Variants in MAF observed in about 807,000 individuals in gnomAD.
MAF encodes MAF bZIP transcription factor, also known as transcription factor Maf.
A neutral mutation model predicts 22.0 loss-of-function variants in MAF; 10 were observed. The ratio of observed to expected loss-of-function variants is 0.45; its 90% CI spans 0.28 to 0.77. The LOEUF (loss-of-function observed/expected upper bound fraction) is 0.77. Ranked by LOEUF, MAF falls within the 30% of genes least tolerant of loss-of-function variation. The pLI is 0.12. For synonymous variants in MAF, 337 were observed against 255.8 expected (o/e 1.32, Z -3.03); for missense variants, 544 against 548.4 (o/e 0.99, Z 0.08).
the MAF span, among the ~76,000 whole-genome samples, chr16:79,238,330 G>C: frequency 2.0e-5 from 3 of 152,098 alleles, no homozygotes; most frequent in Non-Finnish European, 2.9e-5. Context: ...GCTCTTGGAA[G>C]CAGGTACCCA....
the MAF span, among the ~76,000 whole-genome samples, chr16:79,551,091 G>A: frequency 1.3e-5 from 2 of 152,102 alleles, no homozygotes; most frequent in Non-Finnish European, 2.9e-5. Flanking sequence ...TGTTGACAAG[G>A]ACCTCACCCT....
the MAF span, among the ~76,000 whole-genome samples, chr16:79,525,735 A>T: frequency 3.3e-5 from 5 of 152,222 alleles, no homozygotes; most frequent in African/African-American, 1.2e-4. Context: ...TGTAATGATT[A>T]TATCTACAAA....
chr16:79,257,358 T>G, the MAF span, among the ~76,000 whole-genome samples: 1 of 152,152 alleles, frequency 6.6e-6, no homozygotes, highest in Non-Finnish European at 1.5e-5. Flanking sequence ...TTGCTACTCC[T>G]TATAACCCTA....
Position 79,599,375 on chromosome 16 carries a change from G to T in MAF, c.528C>A (p.Gly176=). Residue 176 remains glycine (G), a synonymous_variant, in exon 1 of 2, where the codon GGC becomes GGA. Coordinates refer to ENST00000326043, the MANE Select transcript of MAF (RefSeq NM_005360.5). ...GGTGGTGGTGGTAGTGCGGGCCCGC[G>T]CCGCTCTGCGCGGCGGCCGCGGCGA... ...AVIAAAAAQS[G]AGPHYHHHHH... The T allele has an allele frequency of 4.0e-6, 4 of 1,004,262 alleles. No individual in the cohort carries two copies. Among genetic ancestry groups the T allele is most frequent in the Non-Finnish European group, 1.2e-6 (1 of 844,298 alleles). The allele number at this position is 1,004,262 out of a possible 1,614,324, so 62.2% of individuals were successfully genotyped here.
chr16:79,585,213 G>A (rs144040343), downstream of MAF, among the ~76,000 whole-genome samples: 51 of 152,254 alleles, frequency 3.3e-4, no homozygotes, highest in East Asian at 9.1e-3. Context: ...ACTTGTAATT[G>A]AAAACCCATT....
the MAF span, among the ~76,000 whole-genome samples, chr16:79,535,817 C>G: frequency 1.3e-5 from 2 of 152,002 alleles, no homozygotes; most frequent in African/African-American, 2.4e-5. Flanking sequence ...CTAACCTCCC[C>G]GCCTTGGCCT....
chr16:79,429,082 T>C, the MAF span, among the ~76,000 whole-genome samples: 3 of 152,112 alleles, frequency 2.0e-5, no homozygotes, highest in African/African-American at 7.2e-5. Context: ...TAAATGCCGA[T>C]TGGAGGTAAT....
At chr16:79,469,487 T>C in the MAF span, among the ~76,000 whole-genome samples, 2 of 152,220 alleles carry the variant, frequency 1.3e-5, no homozygotes, top group Non-Finnish European at 2.9e-5. Context: ...GATAAAATTG[T>C]CTACTTCATT....
chr16:79,260,405 G>A, the MAF span, among the ~76,000 whole-genome samples: 89 of 152,244 alleles, frequency 5.8e-4, no homozygotes, highest in Non-Finnish European at 1.8e-4. Flanking sequence ...TCCTGCCTTG[G>A]CCTCCCAGAG....
the MAF span, among the ~76,000 whole-genome samples, chr16:79,335,105 A>T: frequency 6.6e-6 from 1 of 151,732 alleles, no homozygotes; most frequent in African/African-American, 2.4e-5. Context: ...GAATTGCTTG[A>T]AACTGGGAGG....
chr16:79,217,986 TAAAAAAAAAAAAAAAAAAAAAA>T, the MAF span, among the ~76,000 whole-genome samples: 840 of 52,142 alleles, frequency 0.016, 33 homozygotes, highest in African/African-American at 0.057. Context: ...GAAGCTTATG[TAAAAAAAAAAAAAAAAAAAAAA>T]AAAAAAAAAA....
chr16:79,261,446 C>T, the MAF span, among the ~76,000 whole-genome samples: 113 of 152,344 alleles, frequency 7.4e-4, no homozygotes, highest in African/African-American at 2.5e-3. Flanking sequence ...AGCCACCACG[C>T]CTGGCTGGTC....
downstream of MAF, among the ~76,000 whole-genome samples, chr16:79,592,757 CA>C (rs2143744571): frequency 6.6e-6 from 1 of 152,328 alleles, no homozygotes; most frequent in South Asian, 2.1e-4. Context: ...TGTAGCCTAT[CA>C]CTGCAGATAA....
the MAF span, among the ~76,000 whole-genome samples, chr16:79,236,411 T>C: frequency 2.0e-5 from 3 of 152,028 alleles, no homozygotes; most frequent in Non-Finnish European, 2.9e-5. Flanking sequence ...TTCCAGTTGA[T>C]TCCTTGGGGA....
chr16:79,587,260 G>C (rs546312160), intron 1 of MAF, among the ~76,000 whole-genome samples: 1 of 152,088 alleles, frequency 6.6e-6, no homozygotes, highest in African/African-American at 2.4e-5. Flanking sequence ...TTACGTATTA[G>C]TATACATTTT....
chr16:79,307,820 T>A, the MAF span, among the ~76,000 whole-genome samples: 1 of 152,164 alleles, frequency 6.6e-6, no homozygotes, highest in African/African-American at 2.4e-5. Context: ...GTCACTGTGG[T>A]CACCAAATCG....
At chr16:79,289,981 T>A in the MAF span, among the ~76,000 whole-genome samples, 1 of 151,656 alleles carries the variant, frequency 6.6e-6, no homozygotes, top group South Asian at 2.1e-4. Flanking sequence ...CTCAGCCTCC[T>A]GAGTAGTTGG....
chr16:79,400,396 A>C, the MAF span, among the ~76,000 whole-genome samples: 3 of 152,194 alleles, frequency 2.0e-5, no homozygotes, highest in African/African-American at 7.2e-5. Flanking sequence ...CATCCCATGG[A>C]ATAAGGAGAA....
the MAF span, among the ~76,000 whole-genome samples, chr16:79,335,142 G>A: frequency 6.8e-6 from 1 of 146,156 alleles, no homozygotes; most frequent in Non-Finnish European, 1.5e-5. Flanking sequence ...CCAAGATCGC[G>A]CCACTGCACT....
Sources: gnomAD v4.1 joint callset for allele counts (sites outside exome capture counted in the v4.1 genomes callset) on GRCh38, gnomAD v4.1.1 for gene constraint, MANE v1.5 for transcripts, NCBI Gene and HGNC (gene_info 2026-07-23, HGNC 2026-07-21) for gene names.